Variants in ZNF460 observed in about 807,000 individuals in gnomAD.
ZNF460 encodes zinc finger protein 272.
In ZNF460, 1 loss-of-function variant was observed where a neutral mutation model predicts 8.4. The observed-to-expected ratio is 0.12, with a 90% CI of 0.04 to 0.56. The LOEUF (loss-of-function observed/expected upper bound fraction) is 0.56. Ranked by LOEUF, ZNF460 falls within the 20% of genes least tolerant of loss-of-function variation. The pLI is 0.91. For synonymous variants in ZNF460, 262 were observed against 259.9 expected (o/e 1.01, Z -0.08); for missense variants, 477 against 714.8 (o/e 0.67, Z 3.79).
upstream of ZNF460, chr19:57,280,424 C>A: frequency 7.6e-6 from 2 of 264,862 alleles, no homozygotes; most frequent in Non-Finnish European, 1.5e-5. Context: ...CGGGCCAGGG[C>A]GGCGGAGGCG....
chr19:57,283,241 C>A (rs889823782), intron 1 of ZNF460, among the ~76,000 whole-genome samples: 4 of 151,624 alleles, frequency 2.6e-5, no homozygotes, highest in Non-Finnish European at 4.4e-5. Flanking sequence ...GCGATCTCGG[C>A]TCACTGCAAC....
chr19:57,289,815 A>C (rs2087903868), intron 2 of ZNF460, among the ~76,000 whole-genome samples: 2 of 151,996 alleles, frequency 1.3e-5, no homozygotes, highest in Non-Finnish European at 2.9e-5. Flanking sequence ...CAGCTTGGGC[A>C]ACATGGTGAA....
intron 2 of ZNF460, among the ~76,000 whole-genome samples, chr19:57,287,510 A>G (rs1002988362): frequency 8.5e-5 from 13 of 152,110 alleles, no homozygotes; most frequent in Non-Finnish European, 1.3e-4. Flanking sequence ...TTTTGTAGAA[A>G]TGGAGTCTCA....
rs2087931693 is a variant in ZNF460 at position 57,293,189 on chromosome 19, A to G, written c.*959A>G. On this transcript the variant is annotated 3_prime_UTR_variant, in exon 3 of 3. Transcript: ENST00000360338. ...CTCTTTAGAGAGAGTAAATAGTTCAAAATTCACCTCAACAATTTTCTAGAG... is the reference window on the plus strand; with the variant it reads ...CTCTTTAGAGAGAGTAAATAGTTCAGAATTCACCTCAACAATTTTCTAGAG... 6.6e-6 allele frequency: 1 copy of G among 152,200 alleles called. No homozygotes were observed. The highest frequency in any genetic ancestry group is 2.4e-5 in the African/African-American group (1 of 41,448). The allele number at this position is 152,200 out of a possible 1,614,324, so 9.4% of individuals were successfully genotyped here. A position where few individuals can be genotyped will look rare whatever the true frequency, so the allele number is the denominator to read the frequency against.
intron 2 of ZNF460, among the ~76,000 whole-genome samples, chr19:57,285,220 A>T (rs1026995716): frequency 1.2e-4 from 18 of 152,144 alleles, no homozygotes; most frequent in Admixed American, 3.9e-4. Context: ...AAGGAGAGGG[A>T]TGTGTTACCA....
At chr19:57,287,756 G>A (rs1481007925) in intron 2 of ZNF460, among the ~76,000 whole-genome samples, 3 of 152,308 alleles carry the variant, frequency 2.0e-5, no homozygotes, top group Non-Finnish European at 1.5e-5. Context: ...CCTTTGGGAG[G>A]TCTAGGCGGG....
At chr19:57,288,054 C>G (rs1300487002) in intron 2 of ZNF460, among the ~76,000 whole-genome samples, 1 of 152,132 alleles carries the variant, frequency 6.6e-6, no homozygotes, top group Non-Finnish European at 1.5e-5. Flanking sequence ...TGGTAGGTTT[C>G]TCTATATCAC....
At chr19:57,279,999 T>A (rs1387913665), upstream of ZNF460, 1 of 152,296 alleles carries the variant, frequency 6.6e-6, no homozygotes, top group Admixed American at 6.5e-5. Flanking sequence ...CCCAGCAGGC[T>A]GGGCACACTG....
chr19:57,285,180 C>T (rs554717924), intron 2 of ZNF460, among the ~76,000 whole-genome samples: 15 of 152,106 alleles, frequency 9.9e-5, no homozygotes, highest in Admixed American at 4.6e-4. Flanking sequence ...GGGTTGGCTA[C>T]GAAATATAGT....
rs372581132 is a variant in ZNF460 at position 57,291,180 on chromosome 19, G to A, written c.639G>A (p.Gln213=). The A allele has an allele frequency of 5.6e-6, 9 of 1,614,122 alleles. No individual in the cohort carries two copies. Among genetic ancestry groups the A allele is most frequent in the Non-Finnish European group, 7.6e-6 (9 of 1,180,026 alleles). ...TCGGCAAGAGCAAACACCTCCTTCAGCATCACATCATCCATACTGGGGAGA... is the reference window on the plus strand; with the variant it reads ...TCGGCAAGAGCAAACACCTCCTTCAACATCACATCATCCATACTGGGGAGA... ...KAFGKSKHLL[Q]HHIIHTGEKP... Residue 213 remains glutamine, a synonymous_variant, in exon 3 of 3, where the codon CAG becomes CAA. Transcript: ENST00000360338. This position sits in a 1 kb window ranked among gnomAD's most constrained non-coding sequence, Gnocchi z 8.4.
At position 57,280,858 on chromosome 19, in the gene ZNF460, C is replaced by G. The variant is rs201185264; in HGVS notation, c.30+22C>G. Reference sequence around the variant, plus strand: ...GCAGGTGAGTGGACGAGGTTTCGGCCTTGCTGCTGCTGTGCTATTTCTAGA... The same window carrying G: ...GCAGGTGAGTGGACGAGGTTTCGGCGTTGCTGCTGCTGTGCTATTTCTAGA... On this transcript the variant is annotated intron_variant, in intron 1 of 2. Coordinates refer to ENST00000360338, the MANE Select transcript of ZNF460 (RefSeq NM_006635.4). 18 of 1,613,950 alleles carry G rather than the reference C, an allele frequency of 1.1e-5. No homozygotes were observed. The Admixed American group carries it at 2.3e-4, about 21-fold the overall frequency.
At chr19:57,283,028 T>A (rs975837693) in intron 1 of ZNF460, among the ~76,000 whole-genome samples, 2 of 150,710 alleles carry the variant, frequency 1.3e-5, no homozygotes, top group African/African-American at 4.9e-5. Context: ...CATGAGACTT[T>A]GGGTAGACTG....
At position 57,291,732 on chromosome 19, in the gene ZNF460, T is replaced by C; in HGVS notation, c.1191T>C (p.Cys397=). Residue 397 remains cysteine (C), a synonymous_variant, in exon 3 of 3, where the codon TGT becomes TGC. Coordinates refer to ENST00000360338, the MANE Select transcript of ZNF460 (RefSeq NM_006635.4). The surrounding 1 kb of genome is among the most constrained non-coding windows in gnomAD (Gnocchi z 8.4). ...TGEKPFECKE[C]GKAFSIRKDL... The stretch of plus-strand genomic sequence containing the variant: ...AAAAGCCTTTTGAGTGCAAAGAATG[T>C]GGGAAAGCCTTTAGCATTCGAAAAG... 1 of 1,614,172 alleles carries C rather than the reference T, an allele frequency of 6.2e-7. No homozygotes were observed. The highest frequency in any genetic ancestry group is 8.5e-7 in the Non-Finnish European group (1 of 1,180,024).
At position 57,292,983 on chromosome 19, in the gene ZNF460, A is replaced by G. The variant is rs981120583; in HGVS notation, c.*753A>G. The stretch of plus-strand genomic sequence containing the variant: ...CAGACGCTTTGACTTTTTTAAAAAA[A>G]TTGTTTCTCCGTGTGTCTTTAACCA... On this transcript the variant is annotated 3_prime_UTR_variant, in exon 3 of 3. Transcript: ENST00000360338. The G allele has an allele frequency of 2.0e-5, 3 of 152,178 alleles. No homozygotes were observed. The highest frequency in any genetic ancestry group is 7.2e-5 in the African/African-American group (3 of 41,444). 9.4% of individuals were successfully genotyped at this position (152,178 alleles called of 1,614,324 possible).
chr19:57,290,148 T>A (rs1352007915), intron 2 of ZNF460, among the ~76,000 whole-genome samples: 1 of 148,346 alleles, frequency 6.7e-6, no homozygotes, highest in African/African-American at 2.5e-5. Flanking sequence ...TAAAAAAAAA[T>A]AAACAAAAAA....
At chr19:57,283,045 C>T (rs528245633) in intron 1 of ZNF460, among the ~76,000 whole-genome samples, 11 of 150,344 alleles carry the variant, frequency 7.3e-5, no homozygotes, top group East Asian at 1.9e-4. Flanking sequence ...ACTGGTAGAG[C>T]GGAGGGTAGG....
chr19:57,280,771 A>G lies in ZNF460; in HGVS notation c.-36A>G, dbSNP rs2087832061. 3 of 1,613,514 alleles carry G rather than the reference A, an allele frequency of 1.9e-6. No individual in the cohort carries two copies. Among genetic ancestry groups the G allele is most frequent in the East Asian group, 4.5e-5 (2 of 44,850 alleles). On this transcript the variant is annotated 5_prime_UTR_variant, in exon 1 of 3. Transcript: ENST00000360338. Reference sequence around the variant, plus strand: ...CGAGGTCGCCCCGCCCAGGACAGAGAAGGGCTGTGGTCGGCTGATCCGCGG... The same window carrying G: ...CGAGGTCGCCCCGCCCAGGACAGAGGAGGGCTGTGGTCGGCTGATCCGCGG...
At chr19:57,290,383 T>G (rs998211831) in intron 2 of ZNF460, among the ~76,000 whole-genome samples, 3 of 151,994 alleles carry the variant, frequency 2.0e-5, no homozygotes, top group African/African-American at 7.2e-5. Flanking sequence ...GTTCAAGCGA[T>G]TCTCCTGTCT....
rs966652227 is a variant in ZNF460 at position 57,292,154 on chromosome 19, A to T, written c.1613A>T (p.Glu538Val). Residue 538 changes from glutamate (E) to valine (V), a missense_variant, in exon 3 of 3, where the codon GAA becomes GTA. Physicochemically the swap from Glu to Val is moderately radical, Grantham distance 121 (BLOSUM62 -2). Transcript: ENST00000360338. Reference protein sequence around the residue: ...ESSPVSAVNMETPSIAAHSSS... With the variant: ...ESSPVSAVNMVTPSIAAHSSS... ...AGCCCAGTGAGTGCAGTGAATATGG[A>T]AACGCCTTCAATTGCCGCTCATTCC... 1 of 1,614,094 alleles carries T rather than the reference A, an allele frequency of 6.2e-7. No individual in the cohort carries two copies. The highest frequency in any genetic ancestry group is 1.3e-5 in the African/African-American group (1 of 74,936).
Sources: gnomAD v4.1 joint callset for allele counts (sites outside exome capture counted in the v4.1 genomes callset) on GRCh38, gnomAD v4.1.1 for gene constraint, Gnocchi (gnomAD v3.1) non-coding constraint, MANE v1.5 for transcripts, NCBI Gene and HGNC (gene_info 2026-07-23, HGNC 2026-07-21) for gene names.